RRP12: variants seen among roughly 807,000 people sequenced by gnomAD.
RRP12 encodes RRP12-like protein.
Under a neutral mutation model 157.3 loss-of-function variants are expected in RRP12, and 78 were observed. That is an observed-to-expected ratio of 0.50 (90% CI 0.41 to 0.60). The LOEUF is 0.60. Ranked by LOEUF, RRP12 falls within the 20% of genes least tolerant of loss-of-function variation. The pLI is 0.00. For synonymous variants in RRP12, 726 were observed against 670.9 expected, an observed-to-expected ratio of 1.08 and a Z score of -1.27; for missense variants, 1,521 against 1,679.9, an observed-to-expected ratio of 0.91 and a Z score of 1.65.
chr10:97,373,129 G>A lies in RRP12; in HGVS notation c.2098C>T (p.Pro700Ser), dbSNP rs1380363832. 1 of 1,614,066 alleles carries A rather than the reference G, an allele frequency of 6.2e-7. No homozygotes were observed. The highest frequency in any genetic ancestry group is 8.5e-7 in the Non-Finnish European group (1 of 1,180,044). Residue 700 changes from proline (P) to serine (S), a missense_variant, in exon 18 of 34, where the codon CCC becomes TCC. Transcript: ENST00000370992. ...GCTGGAGTGTCCCCGGCTGCCACGG[G>A]CTGCCCATACAGGTTGAAGAGGATC... The part of the protein sequence containing the change: ...LPILFNLYGQ[P>S]VAAGDTPAPR...
At chr10:97,364,006 T>C in intron 29 of RRP12, 103 bp from the exon 30 acceptor site, 1 of 981,082 alleles carries the variant, frequency 1.0e-6, no homozygotes, top group South Asian at 1.3e-5. Flanking sequence ...GGCCACCAAC[T>C]CCGGCCCCAG....
At chr10:97,394,470 A>G (rs1484812934) in intron 3 of RRP12, among the ~76,000 whole-genome samples, 1 of 152,164 alleles carries the variant, frequency 6.6e-6, no homozygotes, top group East Asian at 1.9e-4. Context: ...GCTCACTGTA[A>G]CCTTGAACTT....
At chr10:97,385,827 C>A (rs1288146310) in intron 9 of RRP12, 68 bp downstream of exon 9, 50 of 1,167,406 alleles carry the variant, frequency 4.3e-5, no homozygotes, top group Non-Finnish European at 5.9e-5. Context: ...AGGGCCAGTG[C>A]CCCCAGCACA....
rs550307322 is a variant in RRP12 at position 97,390,854 on chromosome 10, A to T, written c.531-10T>A. 1 of 1,570,382 alleles carries T rather than the reference A, an allele frequency of 6.4e-7. No individual in the cohort carries two copies. The highest frequency in any genetic ancestry group is 1.7e-5 in the Admixed American group (1 of 59,942). On this transcript the variant is annotated splice_polypyrimidine_tract_variant and intron_variant, in intron 4 of 33. Transcript: ENST00000370992. ...CACAGGGCTGGGAACACTGTGGGAAAGAACAGAGATGGTCACCCCAGAGGG... is the reference window on the plus strand; with the variant it reads ...CACAGGGCTGGGAACACTGTGGGAATGAACAGAGATGGTCACCCCAGAGGG...
chr10:97,388,551 G>C lies in RRP12; in HGVS notation c.827C>G (p.Ala276Gly), dbSNP rs190823353. 1.1e-4 allele frequency: 182 copies of C among 1,614,204 alleles called. No homozygotes were observed. The Admixed American group carries it at 2.9e-3, about 26-fold the overall frequency. ...AGTGGAAATGGCAGCAGGATGATGG[G>C]CAGGGGCCTTTTCAAACATGAATTC... is the stretch of plus-strand genomic sequence containing the variant. ...GSEFMFEKAP[A>G]HHPAAISTAK... Residue 276 changes from alanine (A) to glycine (G), a missense_variant, in exon 7 of 34, where the codon GCC (alanine) becomes GGC (glycine). Transcript: ENST00000370992.
intron 23 of RRP12, 45 bp from the exon 24 acceptor site, chr10:97,370,319 G>C: frequency 6.8e-7 from 1 of 1,466,680 alleles, no homozygotes; most frequent in Non-Finnish European, 9.4e-7. Context: ...GGACCCACCA[G>C]GTAGGGGGGC....
At position 97,366,202 on chromosome 10, in the gene RRP12, C is replaced by T; in HGVS notation, c.3423G>A (p.Lys1141=). ...ATQPGPGRGR[K]KDHGFKVSAD... ...CGCTCACCTTGAAGCCGTGGTCCTT[C>T]TTCCTGCCCCGGCCTGGCCCTGGCT... Residue 1141 remains lysine (K), a synonymous_variant, in exon 29 of 34, where the codon AAG becomes AAA. Coordinates refer to ENST00000370992, the MANE Select transcript of RRP12 (RefSeq NM_015179.4). 1 of 1,611,482 alleles carries T rather than the reference C, an allele frequency of 6.2e-7. No individual in the cohort carries two copies. The highest frequency in any genetic ancestry group is 8.5e-7 in the Non-Finnish European group (1 of 1,179,986).
chr10:97,366,318 G>A (rs1036728206), intron 28 of RRP12, 85 bp from the exon 29 acceptor site: 1 of 1,574,892 alleles, frequency 6.3e-7, no homozygotes, highest in Non-Finnish European at 8.6e-7. Context: ...CCGGCTCAGG[G>A]ATCCCAAACG....
At position 97,357,114 on chromosome 10, in the gene RRP12, T is replaced by C; in HGVS notation, c.3874A>G (p.Arg1292Gly). Reference protein sequence around the residue: ...RGSQVGHKNRRKDRRP With the variant: ...RGSQVGHKNRGKDRRP The stretch of plus-strand genomic sequence containing the variant: ...GGGCCTCAGGGTCGACGATCCTTTC[T>C]GCGGTTTTTGTGTCCCACCTGGGAA... Residue 1292 changes from arginine to glycine, a missense_variant, in exon 34 of 34, where the codon AGA becomes GGA. Physicochemically the swap from Arg to Gly is moderately radical, Grantham distance 125 (BLOSUM62 -2). Transcript: ENST00000370992. The C allele has an allele frequency of 6.2e-7, 1 of 1,612,678 alleles. No homozygotes were observed. The highest frequency in any genetic ancestry group is 8.5e-7 in the Non-Finnish European group (1 of 1,178,802).
At chr10:97,366,041 C>T in intron 29 of RRP12, 67 bp downstream of exon 29, 1 of 1,596,908 alleles carries the variant, frequency 6.3e-7, no homozygotes, top group Admixed American at 1.7e-5. Flanking sequence ...GCCACGCTTC[C>T]TCAGCAAGTG....
intron 2 of RRP12, among the ~76,000 whole-genome samples, chr10:97,397,818 G>A (rs7900255): frequency 0.37 from 55,251 of 148,304 alleles, 10,657 homozygotes; most frequent in African/African-American, 0.48. Flanking sequence ...AATTAGCTTG[G>A]TATGGTAGCA....
At position 97,370,194 on chromosome 10, in the gene RRP12, G is replaced by T; in HGVS notation, c.2770C>A (p.Leu924Met). 6.2e-7 allele frequency: 1 copy of T among 1,605,916 alleles called. No homozygotes were observed. Among genetic ancestry groups the T allele is most frequent in the Non-Finnish European group, 8.5e-7 (1 of 1,176,728 alleles). ...VTMVSCSILA[L>M]THLLFEFKGL... ...TTAAACTCGAAAAGGAGGTGGGTCA[G>T]GGCCAGGATGCTGCAGCTGACCATG... The change falls in exon 24 of 34, where the codon CTG becomes ATG. Residue 924 changes from leucine (L) to methionine (M), a missense_variant. Coordinates refer to ENST00000370992, the MANE Select transcript of RRP12 (RefSeq NM_015179.4).
At position 97,365,764 on chromosome 10, in the gene RRP12, A is replaced by AT. The variant is rs1265839254; in HGVS notation, c.3517+343dup. Reference sequence around the variant, plus strand: ...TCTTCAGGGCCTTAGCCAAGTTTGCATTAAAAAAAAAAAAAAAAGAGGAAG... The same window carrying AT: ...TCTTCAGGGCCTTAGCCAAGTTTGCATTTAAAAAAAAAAAAAAAAGAGGAAG... On this transcript the variant is annotated intron_variant, in intron 29 of 33. Transcript: ENST00000370992. The AT allele has an allele frequency of 3.1e-5, 7 of 226,830 alleles. 1 individual carries two copies. The highest frequency in any genetic ancestry group is 4.1e-5 in the Non-Finnish European group (5 of 122,364). 14.1% of individuals were successfully genotyped at this position (226,830 alleles called of 1,614,324 possible). A position where few individuals can be genotyped will look rare whatever the true frequency, so the allele number is the denominator to read the frequency against.
chr10:97,388,582 C>T lies in RRP12; in HGVS notation c.796G>A (p.Gly266Ser), dbSNP rs752272161. The change falls in exon 7 of 34, where the codon GGC becomes AGC. Residue 266 changes from glycine to serine, a missense_variant. Gly to Ser is a moderately conservative substitution (Grantham distance 56). Transcript: ENST00000370992. ...GCCTTTTCAAACATGAATTCACTGC[C>T]CTTGAGGACTGAGCATACTCCATGC... ...AQHGVCSVLKGSEFMFEKAPA... is the reference protein window; with the variant it reads ...AQHGVCSVLKSSEFMFEKAPA... The T allele has an allele frequency of 6.2e-7, 1 of 1,614,066 alleles. No homozygotes were observed. The highest frequency in any genetic ancestry group is 1.3e-5 in the African/African-American group (1 of 74,928).
intron 19 of RRP12, 28 bp from the exon 20 acceptor site, chr10:97,372,194 G>C (rs1371591284): frequency 6.3e-7 from 1 of 1,585,912 alleles, no homozygotes; most frequent in East Asian, 2.2e-5. Context: ...ACAAGGAGAG[G>C]GATGGGGAGC....
At position 97,370,796 on chromosome 10, in the gene RRP12, G is replaced by A. The variant is rs377222038; in HGVS notation, c.2503C>T (p.Pro835Ser). 128 of 1,613,626 alleles carry A rather than the reference G, an allele frequency of 7.9e-5. No homozygotes were observed. The highest frequency in any genetic ancestry group is 9.7e-5 in the Non-Finnish European group (114 of 1,179,814). Residue 835 changes from proline (P) to serine (S), a missense_variant and splice_region_variant, in exon 22 of 34, where the codon CCC becomes TCC. Pro to Ser is a moderately conservative substitution (Grantham distance 74). Transcript: ENST00000370992. ...LRSTSSPAKR[P>S]RLKCLLHIVR... ...ATGTGTAGGAGGCACTTCAAACGGG[G>A]CTGTGGGCAAAGGGCTACCAGTCAG...
intron 6 of RRP12, among the ~76,000 whole-genome samples, chr10:97,389,435 C>T (rs1041256275): frequency 6.6e-6 from 1 of 152,094 alleles, no homozygotes; most frequent in South Asian, 2.1e-4. Flanking sequence ...AAAGTGTCAC[C>T]GCAGTGAAGT....
At position 97,363,923 on chromosome 10, in the gene RRP12, G is replaced by T. The variant is rs369663808; in HGVS notation, c.3518-20C>A. 8 of 1,612,018 alleles carry T rather than the reference G, an allele frequency of 5.0e-6. No individual in the cohort carries two copies. The highest frequency in any genetic ancestry group is 6.8e-6 in the Non-Finnish European group (8 of 1,178,292). On this transcript the variant is annotated intron_variant, in intron 29 of 33. Transcript: ENST00000370992. ...CTTCGCCTGGAGCCAAAAAAGAGAGGCCCATGAGCGCTGTGGGAGCTCCTC... is the reference window on the plus strand; with the variant it reads ...CTTCGCCTGGAGCCAAAAAAGAGAGTCCCATGAGCGCTGTGGGAGCTCCTC...
intron 29 of RRP12, among the ~76,000 whole-genome samples, chr10:97,365,703 G>A (rs1374398617): frequency 6.6e-6 from 1 of 151,730 alleles, no homozygotes; most frequent in Non-Finnish European, 1.5e-5. Flanking sequence ...GAAGTTGGGA[G>A]GGTTTCAGCC....
Sources: allele counts gnomAD v4.1 joint callset (sites outside exome capture counted in the v4.1 genomes callset), GRCh38; gene constraint gnomAD v4.1.1; transcripts MANE v1.5; gene names NCBI Gene and HGNC (gene_info 2026-07-23, HGNC 2026-07-21).